DST: variants seen among roughly 807,000 people sequenced by gnomAD.
The protein encoded by DST is bullous pemphigoid antigen.
DST carries 253 observed loss-of-function variants against 875.2 expected under a neutral mutation model. The ratio of observed to expected loss-of-function variants is 0.29; its 90% confidence interval spans 0.26 to 0.32. The LOEUF is 0.32. Among genes scored for constraint, DST ranks in the 10% least tolerant of loss-of-function variants. DST has a pLI of 1.00. For synonymous variants in DST, 3,124 were observed against 3,197.1 expected, an observed-to-expected ratio of 0.98 and a Z score of 0.77; for missense variants, 8,287 against 9,111.6, an observed-to-expected ratio of 0.91 and a Z score of 3.68.
chr6:56,526,685 C>A lies in DST; in HGVS notation c.17923-118G>T, dbSNP rs967282172. 3.4e-5 allele frequency: 29 copies of A among 853,458 alleles called. No homozygotes were observed. In the Admixed American group the frequency reaches 3.7e-4, roughly 11 times the overall value. The allele number at this position is 853,458 out of a possible 1,614,324, so 52.9% of individuals were successfully genotyped here. On this transcript the variant is annotated intron_variant, in intron 68 of 103. Coordinates refer to ENST00000680361, the MANE Select transcript of DST (RefSeq NM_001374736.1). Reference sequence around the variant, plus strand: ...AATGTGATGCTTTGCCCCACTCCCCCCCTCCCTTAGTTTCAGTCGAGTTAA... The same window carrying A: ...AATGTGATGCTTTGCCCCACTCCCCACCTCCCTTAGTTTCAGTCGAGTTAA...
At chr6:56,762,867 T>G (rs962117481) in intron 4 of DST, among the ~76,000 whole-genome samples, 22 of 122,404 alleles carry the variant, frequency 1.8e-4, no homozygotes, top group Non-Finnish European at 3.7e-4. Context: ...TTTTTTTTTT[T>G]GAGACAGAGT....
Position 56,627,025 on chromosome 6 carries a change from G to A in DST, c.4722+179C>T, listed in dbSNP as rs80189139. ...GTACATATGTGAGAGAGAAGAAGAC[G>A]AATGAACTGGGGGGCTGTCATGTGA... On this transcript the variant is annotated intron_variant, in intron 34 of 103. Transcript: ENST00000680361. 0.017 allele frequency among the ~76,000 whole-genome samples: 2,583 copies of A among 152,214 alleles called. 53 individuals carry two copies. Among genetic ancestry groups the A allele is most frequent in the African/African-American group, 0.053 (2,208 of 41,530 alleles).
intron 9 of DST, among the ~76,000 whole-genome samples, chr6:56,681,708 G>T (rs1433837715): frequency 6.6e-6 from 1 of 152,180 alleles, no homozygotes; most frequent in East Asian, 1.9e-4. Flanking sequence ...CCTAGCTAGG[G>T]CAGTGCTTGG....
At chr6:56,883,542 T>C (rs1458705944) in intron 3 of DST, among the ~76,000 whole-genome samples, 1 of 152,226 alleles carries the variant, frequency 6.6e-6, no homozygotes, top group African/African-American at 2.4e-5. Flanking sequence ...CTCAAAATGT[T>C]ATTAACAAAA....
intron 2 of DST, among the ~76,000 whole-genome samples, chr6:56,939,660 ATTT>A (rs907110485): frequency 6.6e-6 from 1 of 152,008 alleles, no homozygotes; most frequent in Non-Finnish European, 1.5e-5. Context: ...CTGTTTTTGC[ATTT>A]TTTTATTTCT....
chr6:56,811,849 C>A (rs923028652), intron 4 of DST, among the ~76,000 whole-genome samples: 3 of 152,004 alleles, frequency 2.0e-5, no homozygotes, highest in African/African-American at 4.8e-5. Context: ...AATCCCAGCA[C>A]TTTGGGAGGC....
chr6:56,522,915 A>C (rs2096733923), intron 69 of DST, among the ~76,000 whole-genome samples: 1 of 152,166 alleles, frequency 6.6e-6, no homozygotes, highest in African/African-American at 2.4e-5. Flanking sequence ...ACATTTTTCA[A>C]GTAAAAGTGC....
At chr6:56,664,001 TTAAA>T (rs1466266139) in intron 10 of DST, among the ~76,000 whole-genome samples, 1 of 151,998 alleles carries the variant, frequency 6.6e-6, no homozygotes, top group Non-Finnish European at 1.5e-5. Context: ...TAAAGGCAAT[TTAAA>T]TAAATGAATG....
intron 4 of DST, among the ~76,000 whole-genome samples, chr6:56,774,583 CACTA>C (rs1158553369): frequency 6.6e-6 from 1 of 152,144 alleles, no homozygotes; most frequent in African/African-American, 2.4e-5. Flanking sequence ...TTATATTGTT[CACTA>C]ACTATGATGA....
chr6:56,498,401 G>C (rs1035584912), intron 80 of DST, among the ~76,000 whole-genome samples: 2 of 152,008 alleles, frequency 1.3e-5, no homozygotes, highest in Admixed American at 1.3e-4. Context: ...CTAATATTAA[G>C]TTTTTAAATG....
intron 2 of DST, among the ~76,000 whole-genome samples, chr6:56,911,679 A>G (rs1798874160): frequency 1.3e-5 from 2 of 152,226 alleles, no homozygotes; most frequent in African/African-American, 4.8e-5. Flanking sequence ...CTGATTCTGC[A>G]TCCAAATGAG....
intron 4 of DST, among the ~76,000 whole-genome samples, chr6:56,744,675 T>C (rs1371893056): frequency 6.6e-6 from 1 of 152,072 alleles, no homozygotes; most frequent in African/African-American, 2.4e-5. Flanking sequence ...CCCTGCAGAA[T>C]CCCATCTCAA....
intron 2 of DST, among the ~76,000 whole-genome samples, chr6:56,937,357 G>T (rs1813552770): frequency 6.6e-6 from 1 of 152,022 alleles, no homozygotes; most frequent in South Asian, 2.1e-4. Flanking sequence ...ATGGACAAAA[G>T]ATTTGAACAC....
chr6:56,642,466 T>C lies in DST; in HGVS notation c.1816A>G (p.Arg606Gly). Reference sequence around the variant, plus strand: ...TTGTCTTCACAGATGACACTGTCCCTCTGAACTCTGTTGGCAATCTGTTGC... The same window carrying C: ...TTGTCTTCACAGATGACACTGTCCCCCTGAACTCTGTTGGCAATCTGTTGC... ...MLQQIANRVQ[R>G]DSVICEDKLI... Residue 606 changes from arginine (R) to glycine (G), a missense_variant, in exon 16 of 104, where the codon AGG becomes GGG. By Grantham distance (125) the Arg-to-Gly change is moderately radical. Transcript: ENST00000680361. 6.2e-7 allele frequency: 1 copy of C among 1,613,834 alleles called. No homozygotes were observed. Among genetic ancestry groups the C allele is most frequent in the Non-Finnish European group, 8.5e-7 (1 of 1,179,736 alleles).
At chr6:56,904,500 C>T (rs1161029341) in intron 2 of DST, among the ~76,000 whole-genome samples, 1 of 152,116 alleles carries the variant, frequency 6.6e-6, no homozygotes, top group Non-Finnish European at 1.5e-5. Flanking sequence ...GAACAGTACA[C>T]AGCATAGAAA....
intron 4 of DST, among the ~76,000 whole-genome samples, chr6:56,768,565 A>G (rs1468660581): frequency 6.6e-6 from 1 of 152,216 alleles, no homozygotes; most frequent in Non-Finnish European, 1.5e-5. Context: ...CACAGACTAA[A>G]TGTAAAATTC....
chr6:56,557,067 G>A (rs2097434149), intron 59 of DST, among the ~76,000 whole-genome samples: 1 of 152,146 alleles, frequency 6.6e-6, no homozygotes, highest in African/African-American at 2.4e-5. Flanking sequence ...CAATATGACT[G>A]AAATAATCAG....
At chr6:56,737,934 A>G (rs565042967) in intron 4 of DST, among the ~76,000 whole-genome samples, 1 of 152,354 alleles carries the variant, frequency 6.6e-6, no homozygotes, top group East Asian at 1.9e-4. Context: ...GTTCGAGAAA[A>G]GGAAATAAGG....
chr6:56,916,262 G>C (rs1043420123), intron 2 of DST, among the ~76,000 whole-genome samples: 3 of 152,212 alleles, frequency 2.0e-5, no homozygotes, highest in African/African-American at 7.2e-5. Context: ...ACAGCCATAA[G>C]AGGTAGAAGC....
Sources: gnomAD v4.1 joint callset for allele counts (sites outside exome capture counted in the v4.1 genomes callset) on GRCh38, gnomAD v4.1.1 for gene constraint, MANE v1.5 for transcripts, NCBI Gene and HGNC (gene_info 2026-07-23, HGNC 2026-07-21) for gene names.